SOD2: variants seen among roughly 807,000 people sequenced by gnomAD.
SOD2 encodes the protein superoxide dismutase [Mn], mitochondrial.
SOD2 carries 11 observed loss-of-function variants against 27.0 expected under a neutral mutation model. That is an observed-to-expected ratio of 0.41 (90% CI 0.26 to 0.67). The LOEUF (loss-of-function observed/expected upper bound fraction) is 0.67. Among genes scored for constraint, SOD2 ranks in the 30% least tolerant of loss-of-function variants. The pLI, the probability that SOD2 is intolerant of heterozygous loss-of-function variation, is 0.34. For missense variants in SOD2, 250 were observed against 274.5 expected, an observed-to-expected ratio of 0.91 and a Z score of 0.63; for synonymous variants, 105 against 103.0, an observed-to-expected ratio of 1.02 and a Z score of -0.12.
intron 3 of SOD2, among the ~76,000 whole-genome samples, chr6:159,685,253 A>G (rs1189451374): frequency 1.1e-3 from 17 of 15,252 alleles, no homozygotes; most frequent in African/African-American, 3.6e-3. Context: ...TTCATTTTTT[A>G]CCTTTTGAGA....
rs1777473863 is a variant in SOD2 at position 159,698,709 on chromosome 6, AAGTTTGTAC to A, written c.-115-5855_-115-5847del. On this transcript the variant is annotated intron_variant, in intron 1 of 2. Transcript: ENST00000401980. ...CCTGCTGTTGACCGGCAATAACATAAAGTTTGTACATCACAGAGAAGACAATAACAAAGT... is the reference window on the plus strand; with the variant it reads ...CCTGCTGTTGACCGGCAATAACATAAATCACAGAGAAGACAATAACAAAGT... Among the ~76,000 whole-genome samples, 4 of 152,016 alleles carry A rather than the reference AAGTTTGTAC, an allele frequency of 2.6e-5. No individual in the cohort carries two copies. The South Asian group carries it at 8.3e-4, about 32-fold the overall frequency.
At position 159,742,073 on chromosome 6, in the gene SOD2, A is replaced by ATT. The variant is rs557967659; in HGVS notation, c.-116+3055_-116+3056dup. Reference sequence around the variant, plus strand: ...TTTTATCGTAACAACTAATGTATGGATTTTTTTTTATTAGATGGAAACAAT... The same window carrying ATT: ...TTTTATCGTAACAACTAATGTATGGATTTTTTTTTTTATTAGATGGAAACAAT... On this transcript the variant is annotated intron_variant, in intron 1 of 3. Transcript: ENST00000537657. 6.9e-4 allele frequency: 1,076 copies of ATT among 1,561,218 alleles called. 4 individuals carry two copies. In the African/African-American group the frequency reaches 0.013, roughly 19 times the overall value.
At chr6:159,749,108 T>A (rs1426026828), upstream of SOD2, 27 of 986,350 alleles carry the variant, frequency 2.7e-5, no homozygotes, top group Non-Finnish European at 3.0e-5. Context: ...GTTTGTTCTT[T>A]GAATGGTTGC....
intron 1 of SOD2, 130 bp downstream of exon 1, chr6:159,693,015 G>A (rs1409804123): frequency 1.4e-6 from 2 of 1,409,118 alleles, no homozygotes; most frequent in African/African-American, 1.5e-5. Flanking sequence ...GGGCACTCCC[G>A]GGAGAACCGC....
chr6:159,695,126 A>G (rs1401562890), upstream of SOD2, among the ~76,000 whole-genome samples: 18 of 152,170 alleles, frequency 1.2e-4, no homozygotes, highest in African/African-American at 4.1e-4. Flanking sequence ...ACTAGCTATG[A>G]GAACTGGAAG....
At chr6:159,755,320 A>C in intron 1 of SOD2, 1 of 1,614,272 alleles carries the variant, frequency 6.2e-7, no homozygotes, top group Non-Finnish European at 8.5e-7. Context: ...ACACAACCGA[A>C]GATGACTTTC....
intron 3 of SOD2, among the ~76,000 whole-genome samples, chr6:159,687,869 G>T (rs926678944): frequency 1.3e-5 from 2 of 152,106 alleles, no homozygotes; most frequent in African/African-American, 4.8e-5. Flanking sequence ...AAATTAGCCA[G>T]GCGTGGTGGC....
intron 1 of SOD2, among the ~76,000 whole-genome samples, chr6:159,758,612 GAACACTT>G (rs1460683142): frequency 2.0e-5 from 3 of 152,100 alleles, no homozygotes; most frequent in Non-Finnish European, 1.5e-5. Flanking sequence ...TGGTTATAGT[GAACACTT>G]TCATAATCCC....
intron 1 of SOD2, among the ~76,000 whole-genome samples, chr6:159,700,619 A>G (rs1179671572): frequency 6.8e-6 from 1 of 147,200 alleles, no homozygotes; most frequent in African/African-American, 2.5e-5. Context: ...GCGTCACTGC[A>G]CTCCAGTCTT....
chr6:159,762,020 T>A, exon 1 of SOD2: 1 of 1,574,614 alleles, frequency 6.4e-7, no homozygotes, highest in Non-Finnish European at 8.7e-7. Flanking sequence ...GGCAGGCCTG[T>A]GGGCTGCGAG....
chr6:159,736,346 G>C (rs1434666273), intron 1 of SOD2: 3 of 1,387,894 alleles, frequency 2.2e-6, no homozygotes, highest in South Asian at 1.3e-5. Flanking sequence ...TTTTTTGGGG[G>C]CTTTTTTAAG....
intron 3 of SOD2, among the ~76,000 whole-genome samples, chr6:159,686,413 G>A (rs2842957): frequency 0.49 from 74,355 of 151,956 alleles, 18,623 homozygotes; most frequent in Admixed American, 0.53. Flanking sequence ...TTGGGAGGCC[G>A]AGACAGGTGG....
upstream of SOD2, among the ~76,000 whole-genome samples, chr6:159,697,749 G>A (rs1246028071): frequency 2.0e-4 from 30 of 152,328 alleles, no homozygotes; most frequent in Admixed American, 1.9e-3. Context: ...CTTGACCAAG[G>A]TCACACATAG....
intron 1 of SOD2, among the ~76,000 whole-genome samples, chr6:159,758,112 T>TA (rs1283430122): frequency 2.6e-5 from 4 of 152,178 alleles, no homozygotes; most frequent in African/African-American, 9.6e-5. Context: ...AGAGAGGTGA[T>TA]AGAGTGGCTT....
At chr6:159,689,069 C>T (rs1780325562) in intron 2 of SOD2, among the ~76,000 whole-genome samples, 1 of 152,148 alleles carries the variant, frequency 6.6e-6, no homozygotes, top group African/African-American at 2.4e-5. Flanking sequence ...TGGAGCGAAC[C>T]CTAGGTGTTT....
chr6:159,702,442 G>A (rs868845583), intron 1 of SOD2, among the ~76,000 whole-genome samples: 1 of 151,490 alleles, frequency 6.6e-6, no homozygotes, highest in Non-Finnish European at 1.5e-5. Flanking sequence ...GACTACAGAC[G>A]TGCACTGCCA....
upstream of SOD2, chr6:159,731,084 T>TG (rs1482262791): frequency 1.2e-4 from 19 of 152,040 alleles, no homozygotes; most frequent in Admixed American, 1.1e-3. Context: ...GAGGTTGCAG[T>TG]GAGCCCAGAT....
At chr6:159,721,099 G>A (rs1039667094) in intron 1 of SOD2, among the ~76,000 whole-genome samples, 7 of 149,138 alleles carry the variant, frequency 4.7e-5, no homozygotes, top group South Asian at 2.1e-4. Context: ...ACGGAGTCTC[G>A]CTCTGTCACC....
At chr6:159,753,709 T>A in intron 1 of SOD2, 1 of 1,423,614 alleles carries the variant, frequency 7.0e-7, no homozygotes, top group East Asian at 2.3e-5. Context: ...ATTCTGTACA[T>A]TGTTAACCTC....
Sources: allele counts gnomAD v4.1 joint callset (sites outside exome capture counted in the v4.1 genomes callset), GRCh38; gene constraint gnomAD v4.1.1; transcripts MANE v1.5; gene names NCBI Gene and HGNC (gene_info 2026-07-23, HGNC 2026-07-21).